The following DPP9 variants were observed in gnomAD, a reference collection of about 807,000 sequenced individuals.
DPP9 encodes dipeptidyl peptidase 9, also known as dipeptidyl peptidase IV-related protein-2.
Under a neutral mutation model 110.7 loss-of-function variants are expected in DPP9, and 50 were observed. That is an observed-to-expected ratio of 0.45 (90% CI 0.36 to 0.57). The LOEUF is 0.57. Ranked by LOEUF, DPP9 falls within the 20% of genes least tolerant of loss-of-function variation. DPP9 has a pLI of 0.00. For synonymous variants in DPP9, 561 were observed against 514.4 expected (o/e 1.09, Z -1.23); for missense variants, 1,022 against 1,217.9 (o/e 0.84, Z 2.39).
chr19:4,703,950 G>C lies in DPP9; in HGVS notation c.705C>G (p.Asn235Lys), dbSNP rs2092443525. The change falls in exon 7 of 22, where the codon AAC (asparagine) becomes AAG (lysine). Residue 235 changes from asparagine to lysine, a missense_variant. Asn to Lys is a moderately conservative substitution (Grantham distance 94, BLOSUM62 0). Coordinates refer to ENST00000262960, the MANE Select transcript of DPP9 (RefSeq NM_139159.5). ...CGATGTTGGCCACCCACAGGTCGCT[G>C]TTATTGATGAAGGAGAAGAAGGCAG... is the stretch of plus-strand genomic sequence containing the variant. ...ADPAFFSFIN[N>K]SDLWVANIET... is the part of the protein sequence containing the mutation. 1 of 1,613,838 alleles carries C rather than the reference G, an allele frequency of 6.2e-7. No homozygotes were observed. The highest frequency in any genetic ancestry group is 8.5e-7 in the Non-Finnish European group (1 of 1,179,822).
chr19:4,696,488 CAG>C, intron 11 of DPP9, among the ~76,000 whole-genome samples: 1 of 151,580 alleles, frequency 6.6e-6, no homozygotes, highest in South Asian at 2.1e-4. Flanking sequence ...AGTCCAGGCA[CAG>C]TGGCTCACGC....
At chr19:4,688,930 C>A (rs545991791) in intron 15 of DPP9, 38 bp from the exon 16 acceptor site, 3 of 1,497,648 alleles carry the variant, frequency 2.0e-6, no homozygotes, top group East Asian at 5.4e-5. Flanking sequence ...CACGGGATGC[C>A]GCTGCGCCCT....
chr19:4,690,475 C>T (rs888093205), intron 14 of DPP9, among the ~76,000 whole-genome samples: 4 of 152,220 alleles, frequency 2.6e-5, no homozygotes, highest in Non-Finnish European at 4.4e-5. Flanking sequence ...CAGCGGGGCA[C>T]AAGCTTCCAG....
chr19:4,680,182 C>T (rs1436232613), intron 20 of DPP9, among the ~76,000 whole-genome samples: 13 of 148,172 alleles, frequency 8.8e-5, no homozygotes, highest in Admixed American at 7.5e-4. Context: ...GGTTGCAGTG[C>T]GCTGAGATCG....
chr19:4,715,817 G>C (rs2093049303), intron 3 of DPP9: 1 of 152,206 alleles, frequency 6.6e-6, no homozygotes, highest in South Asian at 2.1e-4. Context: ...GGACACTCTG[G>C]GTCCGCAAAG....
rs1348979896 is a variant in DPP9 at position 4,682,995 on chromosome 19, G to A, written c.2332-157C>T. ...CAAGGAAGGGGCCCTCAGACCGCGT[G>A]GCCCCCGTGGACGGTGCGTGGCATG... On this transcript the variant is annotated intron_variant, in intron 19 of 21. Transcript: ENST00000262960. The surrounding 1 kb of genome is among the most constrained non-coding windows in gnomAD (Gnocchi z 7.1). The A allele has an allele frequency of 2.6e-6, 4 of 1,530,202 alleles. No homozygotes were observed. The African/African-American group carries it at 4.1e-5, about 16-fold the overall frequency. The allele number at this position is 1,530,202 out of a possible 1,614,324, so 94.8% of individuals were successfully genotyped here. A position where few individuals can be genotyped will look rare whatever the true frequency, so the allele number is the denominator to read the frequency against.
chr19:4,691,573 A>ATCT lies in DPP9; in HGVS notation c.1517-619_1517-617dup, dbSNP rs561976495. 3.4e-5 allele frequency among the ~76,000 whole-genome samples: 5 copies of ATCT among 147,402 alleles called. No homozygotes were observed. The South Asian group carries it at 1.1e-3, about 33-fold the overall frequency. On this transcript the variant is annotated intron_variant, in intron 13 of 21. Transcript: ENST00000262960. Reference sequence around the variant, plus strand: ...TAGAACCCTCCAAAGGCCACATGACATCTGTGTGTGGCACGGGAAGGGGGG... The same window carrying ATCT: ...TAGAACCCTCCAAAGGCCACATGACATCTTCTGTGTGTGGCACGGGAAGGGGGG...
Position 4,714,331 on chromosome 19 carries a change from C to T in DPP9, c.63G>A (p.Ser21=), listed in dbSNP as rs1486367795. The T allele has an allele frequency of 1.2e-5, 18 of 1,496,538 alleles. No homozygotes were observed. The highest frequency in any genetic ancestry group is 2.8e-5 in the African/African-American group (2 of 71,286). The allele number at this position is 1,496,538 out of a possible 1,614,324, so 92.7% of individuals were successfully genotyped here. Residue 21 remains serine, a synonymous_variant, in exon 4 of 22, where the codon TCG becomes TCA. Transcript: ENST00000262960. The stretch of plus-strand genomic sequence containing the variant: ...TCCTCTCAGCCCCCTCGGAATTCAG[C>T]GAGAAGCTGCGGGGAGGAAGCAAAG... ...KENTGSWRSF[S]LNSEGAERMA... is the part of the protein sequence containing the mutation.
intron 11 of DPP9, among the ~76,000 whole-genome samples, chr19:4,696,003 C>T (rs1195437630): frequency 5.3e-5 from 8 of 152,122 alleles, no homozygotes; most frequent in Non-Finnish European, 8.8e-5. Context: ...CAGGTTCAAG[C>T]GATTCTCCTG....
rs1246702603 is a variant in DPP9, at chr19:4,700,042, C to T, written c.1074+174G>A. On this transcript the variant is annotated intron_variant, in intron 10 of 21. Coordinates refer to ENST00000262960, the MANE Select transcript of DPP9 (RefSeq NM_139159.5). The surrounding 1 kb of genome is among the most constrained non-coding windows in gnomAD (Gnocchi z 4.3). ...AGCTCGCCACGCCGCATTCTAGGCA[C>T]AGGTCCAGAGACACACAGGGAAGGC... Among the ~76,000 whole-genome samples, 1 of 152,338 alleles carries T rather than the reference C, an allele frequency of 6.6e-6. No homozygotes were observed. Among genetic ancestry groups the T allele is most frequent in the African/African-American group, 2.4e-5 (1 of 41,578 alleles).
In DPP9 at chr19:4,704,148, C is replaced by T. The variant is rs778385795; in HGVS notation, c.583G>A (p.Gly195Ser). The T allele has an allele frequency of 5.8e-5, 93 of 1,613,968 alleles. No homozygotes were observed. Among genetic ancestry groups the T allele is most frequent in the Non-Finnish European group, 7.0e-5 (83 of 1,179,906 alleles). ...SNSLFHCRDG[G>S]KNGFMVSPMK... ...GGGCTCACCATGAAGCCGTTCTTGC[C>T]GCCGTCGCGGCAGTGGAAGAGGCTG... Residue 195 changes from glycine (G) to serine (S), a missense_variant, in exon 6 of 22, where the codon GGC becomes AGC. By Grantham distance (56) the Gly-to-Ser change is moderately conservative. This residue lies in a region of DPP9 where 810 missense variants were observed against 920.6 expected (regional missense o/e 0.88). Transcript: ENST00000262960. This position sits in a 1 kb window ranked among gnomAD's most constrained non-coding sequence, Gnocchi z 6.0.
In DPP9 at chr19:4,687,318, G is replaced by T. The variant is rs977147246; in HGVS notation, c.1885+1439C>A. 2.6e-5 allele frequency among the ~76,000 whole-genome samples: 4 copies of T among 152,204 alleles called. No individual in the cohort carries two copies. Among genetic ancestry groups the T allele is most frequent in the Non-Finnish European group, 2.9e-5 (2 of 68,026 alleles). ...AAACCCACCAACATGGCAGAGACAGGGCCAGGGTGGGTTGTCCTTGTACTG... is the reference window on the plus strand; with the variant it reads ...AAACCCACCAACATGGCAGAGACAGTGCCAGGGTGGGTTGTCCTTGTACTG... On this transcript the variant is annotated intron_variant, in intron 16 of 21. Coordinates refer to ENST00000262960, the MANE Select transcript of DPP9 (RefSeq NM_139159.5). This position sits in a 1 kb window ranked among gnomAD's most constrained non-coding sequence, Gnocchi z 4.7.
chr19:4,695,313 T>G lies in DPP9; in HGVS notation c.1353+65A>C. 2 of 1,455,502 alleles carry G rather than the reference T, an allele frequency of 1.4e-6. No homozygotes were observed. Among genetic ancestry groups the G allele is most frequent in the Non-Finnish European group, 1.8e-6 (2 of 1,093,040 alleles). The allele number at this position is 1,455,502 out of a possible 1,614,324, so 90.2% of individuals were successfully genotyped here. On this transcript the variant is annotated intron_variant, in intron 12 of 21. Coordinates refer to ENST00000262960, the MANE Select transcript of DPP9 (RefSeq NM_139159.5). The surrounding 1 kb of genome is among the most constrained non-coding windows in gnomAD (Gnocchi z 4.7). ...CATTGGCGCTCAGCCTTCTAGGACG[T>G]GGGGGTGGGGACAGTGTGACTCCAG...
chr19:4,704,804 G>A lies in DPP9; in HGVS notation c.427-500C>T, dbSNP rs370291956. The stretch of plus-strand genomic sequence containing the variant: ...TCACGAGGTCAGAAATTCGAGACCA[G>A]CCTGGCCAATATGGTGAAACCCCGT... On this transcript the variant is annotated intron_variant, in intron 5 of 21. Coordinates refer to ENST00000262960, the MANE Select transcript of DPP9 (RefSeq NM_139159.5). This position sits in a 1 kb window ranked among gnomAD's most constrained non-coding sequence, Gnocchi z 6.0. Among the ~76,000 whole-genome samples the A allele has an allele frequency of 1.7e-4, 26 of 152,302 alleles. No individual in the cohort carries two copies. The East Asian group carries it at 4.8e-3, about 28-fold the overall frequency.
Position 4,695,244 on chromosome 19 carries a change from A to T in DPP9, c.1353+134T>A. The T allele has an allele frequency of 9.9e-7, 1 of 1,011,932 alleles. No individual in the cohort carries two copies. Among genetic ancestry groups the T allele is most frequent in the Non-Finnish European group, 1.4e-6 (1 of 713,760 alleles). 62.7% of individuals were successfully genotyped at this position (1,011,932 alleles called of 1,614,324 possible). On this transcript the variant is annotated intron_variant, in intron 12 of 21. Coordinates refer to ENST00000262960, the MANE Select transcript of DPP9 (RefSeq NM_139159.5). The surrounding 1 kb of genome is among the most constrained non-coding windows in gnomAD (Gnocchi z 4.7). Reference sequence around the variant, plus strand: ...TCTTCCCTGCCAGCCAGGGATGGCCAAGGCCTGAGCTCACTTCTCCACACA... The same window carrying T: ...TCTTCCCTGCCAGCCAGGGATGGCCTAGGCCTGAGCTCACTTCTCCACACA...
chr19:4,685,851 G>T lies in DPP9; in HGVS notation c.1886-80C>A. On this transcript the variant is annotated intron_variant, in intron 16 of 21. Coordinates refer to ENST00000262960, the MANE Select transcript of DPP9 (RefSeq NM_139159.5). This position sits in a 1 kb window ranked among gnomAD's most constrained non-coding sequence, Gnocchi z 5.8. ...ACCCTTGTTCTCCTGCCCACCCCAA[G>T]CCTTGGAGGGTGGACCAAAGCACCC... is the stretch of plus-strand genomic sequence containing the variant. The T allele has an allele frequency of 6.6e-7, 1 of 1,526,488 alleles. No homozygotes were observed. The highest frequency in any genetic ancestry group is 8.9e-7 in the Non-Finnish European group (1 of 1,128,134). The allele number at this position is 1,526,488 out of a possible 1,614,324, so 94.6% of individuals were successfully genotyped here. A position where few individuals can be genotyped will look rare whatever the true frequency, so the allele number is the denominator to read the frequency against.
Position 4,698,802 on chromosome 19 carries a change from G to A in DPP9, c.1075-1151C>T, listed in dbSNP as rs779850737. 6.6e-5 allele frequency among the ~76,000 whole-genome samples: 10 copies of A among 152,086 alleles called. No individual in the cohort carries two copies. The highest frequency in any genetic ancestry group is 1.0e-4 in the Non-Finnish European group (7 of 68,034). ...ACCCCAGCCTGGAAGGAGGTTTCAC[G>A]TGCATCACTGGCAAAGCCACTCAGA... On this transcript the variant is annotated intron_variant, in intron 10 of 21. Coordinates refer to ENST00000262960, the MANE Select transcript of DPP9 (RefSeq NM_139159.5). This position sits in a 1 kb window ranked among gnomAD's most constrained non-coding sequence, Gnocchi z 4.2.
At chr19:4,706,755 G>A (rs1278869548) in intron 4 of DPP9, among the ~76,000 whole-genome samples, 1 of 152,236 alleles carries the variant, frequency 6.6e-6, no homozygotes, top group Non-Finnish European at 1.5e-5. Context: ...GGCAGAGGTT[G>A]CAGTGAGCCG....
intron 21 of DPP9, among the ~76,000 whole-genome samples, chr19:4,678,152 G>A (rs1235423618): frequency 6.7e-6 from 1 of 148,984 alleles, no homozygotes; most frequent in Admixed American, 6.7e-5. Context: ...TCCCTCTGCC[G>A]CCCAGGCTGG....
Sources: allele counts gnomAD v4.1 joint callset (sites outside exome capture counted in the v4.1 genomes callset), GRCh38; gene constraint gnomAD v4.1.1; regional missense constraint gnomAD v4.1.1; non-coding constraint Gnocchi (gnomAD v3.1); transcripts MANE v1.5; gene names NCBI Gene and HGNC (gene_info 2026-07-23, HGNC 2026-07-21).